Variants in FKBP5 observed in about 807,000 individuals in gnomAD.
The protein encoded by FKBP5 is peptidyl-prolyl cis-trans isomerase FKBP5.
In FKBP5, 23 loss-of-function variants were observed where a neutral mutation model predicts 50.5. That is an observed-to-expected ratio of 0.46 (90% CI 0.33 to 0.65). The LOEUF (loss-of-function observed/expected upper bound fraction) is 0.65. Among genes scored for constraint, FKBP5 ranks in the 30% least tolerant of loss-of-function variants. FKBP5 has a pLI of 0.02. For missense variants in FKBP5, 411 were observed against 553.1 expected (o/e 0.74, Z 2.58); for synonymous variants, 176 against 190.6 (o/e 0.92, Z 0.63).
At chr6:35,714,054 T>C (rs1766465035) in intron 2 of FKBP5, among the ~76,000 whole-genome samples, 1 of 151,698 alleles carries the variant, frequency 6.6e-6, no homozygotes, top group Admixed American at 6.6e-5. Flanking sequence ...TCTGTCTCCC[T>C]GGGGGCATAA....
chr6:35,666,395 A>T (rs1432998991), intron 1 of FKBP5, among the ~76,000 whole-genome samples: 3 of 84,026 alleles, frequency 3.6e-5, no homozygotes, highest in African/African-American at 2.3e-4. Flanking sequence ...TATTATAGTT[A>T]AAAAAAAAAA....
chr6:35,721,706 G>A (rs919407813), intron 1 of FKBP5, among the ~76,000 whole-genome samples: 6 of 152,134 alleles, frequency 3.9e-5, no homozygotes, highest in Non-Finnish European at 7.4e-5. Context: ...TGCCCGCCTC[G>A]GCCTCCCAAA....
intron 1 of FKBP5, among the ~76,000 whole-genome samples, chr6:35,726,520 C>T (rs920754232): frequency 3.4e-5 from 5 of 146,534 alleles, no homozygotes; most frequent in African/African-American, 1.3e-4. Context: ...GTCCACCCCT[C>T]CCATCTCCTC....
chr6:35,676,999 C>G (rs553195926), intron 1 of FKBP5, among the ~76,000 whole-genome samples: 1 of 152,306 alleles, frequency 6.6e-6, no homozygotes, highest in South Asian at 2.1e-4. Context: ...ATTCCAGAAG[C>G]CTGCAAAGAG....
intron 1 of FKBP5, among the ~76,000 whole-genome samples, chr6:35,662,262 A>G (rs1581861646): frequency 7.3e-6 from 1 of 136,938 alleles, no homozygotes; most frequent in Admixed American, 7.9e-5. Flanking sequence ...AACCATGAGC[A>G]TTTATTTACG....
intron 2 of FKBP5, among the ~76,000 whole-genome samples, chr6:35,640,185 G>T (rs1764438854): frequency 6.6e-6 from 1 of 152,214 alleles, no homozygotes; most frequent in African/African-American, 2.4e-5. Context: ...ATCCTTATGT[G>T]AACATCGCAG....
chr6:35,645,886 G>A (rs192771944), intron 1 of FKBP5, among the ~76,000 whole-genome samples: 210 of 152,260 alleles, frequency 1.4e-3, no homozygotes, highest in African/African-American at 4.5e-3. Context: ...AGGCTGAGGC[G>A]GGTGGGATCA....
At chr6:35,728,136 G>A (rs916512187) in intron 1 of FKBP5, among the ~76,000 whole-genome samples, 3 of 152,302 alleles carry the variant, frequency 2.0e-5, no homozygotes, top group South Asian at 2.1e-4. Flanking sequence ...CCGAGCGGGC[G>A]GGCGGGCGGG....
intron 5 of FKBP5, among the ~76,000 whole-genome samples, chr6:35,602,901 A>T (rs935346170): frequency 1.3e-5 from 2 of 152,176 alleles, no homozygotes; most frequent in African/African-American, 4.8e-5. Context: ...AGAAGTATAC[A>T]CCCAGCAACA....
intron 1 of FKBP5, among the ~76,000 whole-genome samples, chr6:35,683,884 C>T (rs1457765298): frequency 6.6e-6 from 1 of 151,782 alleles, no homozygotes; most frequent in African/African-American, 2.4e-5. Flanking sequence ...ATGGCAAAAC[C>T]TCGTCTCTAC....
At chr6:35,684,007 C>T (rs1009392230) in intron 1 of FKBP5, among the ~76,000 whole-genome samples, 14 of 152,036 alleles carry the variant, frequency 9.2e-5, no homozygotes, top group African/African-American at 1.7e-4. Flanking sequence ...TGAGCGGAGA[C>T]TGTACCGCTG....
chr6:35,656,904 AAAAAAG>A (rs1455089280), intron 1 of FKBP5, among the ~76,000 whole-genome samples: 5 of 149,040 alleles, frequency 3.4e-5, no homozygotes, highest in Non-Finnish European at 7.4e-5. Context: ...TCAAAAAAAA[AAAAAAG>A]AAAAAAGAAA....
chr6:35,577,880 C>T (rs1410150095), intron 9 of FKBP5, among the ~76,000 whole-genome samples: 1 of 151,908 alleles, frequency 6.6e-6, no homozygotes, highest in East Asian at 1.9e-4. Flanking sequence ...ATGGCGAAAT[C>T]CTGTCTCTAC....
rs374201588 is a variant in FKBP5 at position 35,639,420 on chromosome 6, T to C, written c.106-2262A>G. ...AGGGCTTCAAATCTCAAATGTTTCT[T>C]AATAAGCCTAAAAATCTTGCAATTA... On this transcript the variant is annotated intron_variant, in intron 2 of 10. Transcript: ENST00000357266. 3.3e-5 allele frequency among the ~76,000 whole-genome samples: 5 copies of C among 152,296 alleles called. No homozygotes were observed. In the East Asian group the frequency reaches 7.7e-4, roughly 23 times the overall value.
At chr6:35,614,947 A>C (rs1481703714) in intron 5 of FKBP5, among the ~76,000 whole-genome samples, 1 of 152,024 alleles carries the variant, frequency 6.6e-6, no homozygotes, top group African/African-American at 2.4e-5. Flanking sequence ...ACATGGTGAA[A>C]TCCCATCTCT....
chr6:35,603,170 T>C (rs1344365479), intron 5 of FKBP5, among the ~76,000 whole-genome samples: 3 of 152,238 alleles, frequency 2.0e-5, no homozygotes, highest in African/African-American at 7.2e-5. Flanking sequence ...CATTCATTCA[T>C]ATGTCAGGGT....
chr6:35,691,545 A>G (rs1042824171), upstream of FKBP5, among the ~76,000 whole-genome samples: 19 of 152,154 alleles, frequency 1.2e-4, no homozygotes, highest in African/African-American at 4.6e-4. Flanking sequence ...CCGCAGCAAC[A>G]ACAACAGGCC....
intron 2 of FKBP5, among the ~76,000 whole-genome samples, chr6:35,697,059 A>G (rs1766092012): frequency 6.6e-6 from 1 of 152,226 alleles, no homozygotes; most frequent in Non-Finnish European, 1.5e-5. Context: ...ATTACCATAT[A>G]TTCCAGTAAT....
intron 8 of FKBP5, chr6:35,581,256 A>ATGTT: frequency 6.8e-6 from 4 of 586,764 alleles, no homozygotes; most frequent in Non-Finnish European, 6.4e-6. Flanking sequence ...TATAATATAT[A>ATGTT]TAAATATAAA....
Sources: allele counts gnomAD v4.1 joint callset (sites outside exome capture counted in the v4.1 genomes callset), GRCh38; gene constraint gnomAD v4.1.1; transcripts MANE v1.5; gene names NCBI Gene and HGNC (gene_info 2026-07-23, HGNC 2026-07-21).